The following DMGDH variants were observed in gnomAD, a reference collection of about 807,000 sequenced individuals.
The protein encoded by DMGDH is dimethylglycine dehydrogenase.
Under a neutral mutation model 95.2 loss-of-function variants are expected in DMGDH, and 76 were observed. The observed-to-expected ratio is 0.80, with a 90% CI of 0.66 to 0.97. The LOEUF (loss-of-function observed/expected upper bound fraction) is 0.97, where lower values mean the gene tolerates loss of function less well. Among genes scored for constraint, DMGDH ranks in the 50% least tolerant of loss-of-function variants. The pLI, the probability that DMGDH is intolerant of heterozygous loss-of-function variation, is 0.00. For synonymous variants in DMGDH, 345 were observed against 377.6 expected (o/e 0.91, Z 1.00); for missense variants, 987 against 1,055.0 (o/e 0.94, Z 0.89).
At chr5:79,065,866 G>C (rs1423597491) in intron 1 of DMGDH, among the ~76,000 whole-genome samples, 1 of 151,942 alleles carries the variant, frequency 6.6e-6, no homozygotes, top group Non-Finnish European at 1.5e-5. Flanking sequence ...ATAATCTTAC[G>C]GGACCACCAT....
chr5:79,034,344 G>C (rs999671398), intron 7 of DMGDH, among the ~76,000 whole-genome samples: 2 of 152,176 alleles, frequency 1.3e-5, no homozygotes, highest in South Asian at 4.1e-4. Flanking sequence ...CCACTTGATG[G>C]GGAAGGTGGG....
At chr5:79,031,126 G>A in intron 9 of DMGDH, 128 bp from the exon 10 acceptor site, 1 of 921,142 alleles carries the variant, frequency 1.1e-6, no homozygotes, top group African/African-American at 1.7e-5. Flanking sequence ...GACTATGGGA[G>A]GCGAGACCAT....
chr5:78,999,625 G>A (rs574120150), intron 15 of DMGDH, among the ~76,000 whole-genome samples: 5 of 152,282 alleles, frequency 3.3e-5, no homozygotes, highest in African/African-American at 7.2e-5. Flanking sequence ...GAGCCACCAC[G>A]CCCGGCTGTT....
chr5:79,029,016 A>G (rs1481430927), intron 11 of DMGDH, among the ~76,000 whole-genome samples: 1 of 152,204 alleles, frequency 6.6e-6, no homozygotes, highest in Non-Finnish European at 1.5e-5. Flanking sequence ...ATACCTGTAC[A>G]CAGGAGGCAC....
intron 2 of DMGDH, 124 bp from the exon 3 acceptor site, chr5:79,056,032 G>T (rs1303569772): frequency 1.0e-5 from 7 of 697,268 alleles, no homozygotes; most frequent in Non-Finnish European, 1.5e-5. Context: ...CAGTCCTTTG[G>T]GATGAGAACA....
At chr5:79,030,778 T>A in intron 10 of DMGDH, 55 bp downstream of exon 10, 29 of 1,588,994 alleles carry the variant, frequency 1.8e-5, no homozygotes, top group Non-Finnish European at 2.5e-5. Context: ...ACATATGGGA[T>A]GAAGAATTAA....
chr5:79,034,485 T>C (rs1172427094), intron 7 of DMGDH, among the ~76,000 whole-genome samples: 2 of 152,188 alleles, frequency 1.3e-5, no homozygotes, highest in South Asian at 4.1e-4. Context: ...CAGTCTTGTC[T>C]AATGAAGGCC....
intron 5 of DMGDH, among the ~76,000 whole-genome samples, chr5:79,046,016 A>G (rs1008954013): frequency 6.6e-6 from 1 of 152,218 alleles, no homozygotes; most frequent in Admixed American, 6.5e-5. Context: ...ACCCATTTGC[A>G]AACCAGAAAT....
intron 15 of DMGDH, 131 bp from the exon 16 acceptor site, chr5:78,998,428 A>T (rs548959036): frequency 1.2e-6 from 1 of 801,442 alleles, no homozygotes; most frequent in African/African-American, 1.7e-5. Context: ...GTCTGGGGGG[A>T]CAACGCCAGA....
chr5:79,063,097 TA>T (rs1157854999), intron 2 of DMGDH, among the ~76,000 whole-genome samples: 5 of 150,684 alleles, frequency 3.3e-5, no homozygotes, highest in African/African-American at 9.8e-5. Flanking sequence ...TCAAAAAAAA[TA>T]AAAAATAAAA....
At chr5:79,055,145 A>G (rs532574541) in intron 3 of DMGDH, among the ~76,000 whole-genome samples, 2 of 152,376 alleles carry the variant, frequency 1.3e-5, no homozygotes, top group African/African-American at 4.8e-5. Flanking sequence ...TTCCAAAACT[A>G]TATGTTATTG....
In DMGDH at chr5:79,055,904, C is replaced by A. The variant is rs1393437331; in HGVS notation, c.281G>T (p.Gly94Val). The A allele has an allele frequency of 6.3e-7, 1 of 1,599,576 alleles. No homozygotes were observed. Among genetic ancestry groups the A allele is most frequent in the East Asian group, 2.2e-5 (1 of 44,774 alleles). ...TCCAGGATGAAAGTAAGTTGTTAAA[C>A]CTGCCTTAAAAGCAGAGAGGAAAAG... ...LTAGSTWHAA[G>V]LTTYFHPGIN... The change falls in exon 3 of 16, where the codon GGT (glycine) becomes GTT (valine). Residue 94 changes from glycine (G) to valine (V), a missense_variant. Gly to Val is a moderately radical substitution (Grantham distance 109). Transcript: ENST00000255189.
In DMGDH at chr5:79,055,803, C is replaced by T. The variant is rs1436527438; in HGVS notation, c.375+7G>A. 1.9e-6 allele frequency: 3 copies of T among 1,568,970 alleles called. No homozygotes were observed. The highest frequency in any genetic ancestry group is 1.1e-5 in the South Asian group (1 of 90,112). Reference sequence around the variant, plus strand: ...CTAACAGACAGTTTCAAGTTAAATGCCTTTACCTGACCAGTTTCTTCTTCC... The same window carrying T: ...CTAACAGACAGTTTCAAGTTAAATGTCTTTACCTGACCAGTTTCTTCTTCC... On this transcript the variant is annotated splice_region_variant and intron_variant, in intron 3 of 15. Transcript: ENST00000255189.
intron 14 of DMGDH, among the ~76,000 whole-genome samples, chr5:79,014,005 A>G (rs1753687623): frequency 1.3e-5 from 2 of 152,226 alleles, no homozygotes; most frequent in Admixed American, 6.5e-5. Context: ...TCCCACACAC[A>G]GGTAGTTTTC....
intron 12 of DMGDH, 24 bp from the exon 13 acceptor site, chr5:79,026,605 C>T: frequency 1.2e-6 from 2 of 1,614,010 alleles, no homozygotes; most frequent in South Asian, 2.2e-5. Flanking sequence ...ACAGGTGCCA[C>T]AGCAGGGCAA....
rs770855462 is a variant in DMGDH at position 79,055,852 on chromosome 5, A to T, written c.333T>A (p.Asp111Glu). The stretch of plus-strand genomic sequence containing the variant: ...CCAGTTTCTCATAAAGTTTGATGCT[A>T]TCATAATGTATTTTCTTCAAGTTTA... ...PGINLKKIHY[D>E]SIKLYEKLEE... Residue 111 changes from aspartate (D) to glutamate (E), a missense_variant, in exon 3 of 16, where the codon GAT becomes GAA. Asp to Glu is a conservative substitution (Grantham distance 45). Transcript: ENST00000255189. The T allele has an allele frequency of 1.2e-6, 2 of 1,612,564 alleles. No individual in the cohort carries two copies. Among genetic ancestry groups the T allele is most frequent in the South Asian group, 1.1e-5 (1 of 91,032 alleles).
At chr5:79,045,626 T>A (rs1754648813) in intron 5 of DMGDH, among the ~76,000 whole-genome samples, 1 of 152,178 alleles carries the variant, frequency 6.6e-6, no homozygotes. Context: ...GGCAAGGACA[T>A]GGTGTTGACT....
intron 2 of DMGDH, among the ~76,000 whole-genome samples, chr5:79,061,486 C>T (rs1755209863): frequency 6.6e-6 from 1 of 152,092 alleles, no homozygotes; most frequent in Admixed American, 6.6e-5. Flanking sequence ...CAGGATAATG[C>T]CTTTCCCCAC....
At chr5:79,016,307 T>C (rs184654672) in intron 14 of DMGDH, among the ~76,000 whole-genome samples, 103 of 151,606 alleles carry the variant, frequency 6.8e-4, no homozygotes, top group Admixed American at 2.5e-3. Context: ...AAGAAAAGCT[T>C]TATTTTTATA....
Sources: allele counts gnomAD v4.1 joint callset (sites outside exome capture counted in the v4.1 genomes callset), GRCh38; gene constraint gnomAD v4.1.1; transcripts MANE v1.5; gene names NCBI Gene and HGNC (gene_info 2026-07-23, HGNC 2026-07-21).